SWT1: variants seen among roughly 807,000 people sequenced by gnomAD.
The protein encoded by SWT1 is transcriptional protein SWT1.
A neutral mutation model predicts 107.3 loss-of-function variants in SWT1; 33 were observed. The observed-to-expected ratio is 0.31, with a 90% CI of 0.23 to 0.41. The LOEUF is 0.41. Among genes scored for constraint, SWT1 ranks in the 10% least tolerant of loss-of-function variants. The pLI, the probability that SWT1 is intolerant of heterozygous loss-of-function variation, is 1.00. For synonymous variants in SWT1, 345 were observed against 348.3 expected, an observed-to-expected ratio of 0.99 and a Z score of 0.11; for missense variants, 898 against 1,028.9, an observed-to-expected ratio of 0.87 and a Z score of 1.74.
chr1:185,183,808 A>T, intron 7 of SWT1, among the ~76,000 whole-genome samples: 1 of 152,222 alleles, frequency 6.6e-6, no homozygotes, highest in East Asian at 1.9e-4. Flanking sequence ...TCTCTTAAGA[A>T]TCGAAGTAAA....
rs1656256401 is a variant in SWT1 at position 185,184,156 on chromosome 1, A to G, written c.1139-87A>G. The G allele has an allele frequency of 1.2e-5, 8 of 655,656 alleles. 1 individual carries two copies. In the South Asian group the frequency reaches 1.7e-4, roughly 14 times the overall value. 40.6% of individuals were successfully genotyped at this position (655,656 alleles called of 1,614,324 possible). The stretch of plus-strand genomic sequence containing the variant: ...AAAGAGGCGTTTTAAATTTAATTGA[A>G]TTTTCAATGCTTCTGTAATATCAAA... On this transcript the variant is annotated intron_variant, in intron 7 of 18. Transcript: ENST00000367500.
chr1:185,190,402 A>G (rs1164050948), intron 9 of SWT1, 147 bp from the exon 10 acceptor site: 1 of 558,890 alleles, frequency 1.8e-6, no homozygotes, highest in Non-Finnish European at 3.3e-6. Context: ...ACAAATGTAT[A>G]ATGACGTGTG....
At chr1:185,281,612 G>A (rs1225973117) in intron 18 of SWT1, 2 of 201,906 alleles carry the variant, frequency 9.9e-6, no homozygotes, top group African/African-American at 2.4e-5. Context: ...CCTGAAGACC[G>A]ACCACCAAAT....
chr1:185,210,761 C>T (rs1409260205), intron 13 of SWT1, among the ~76,000 whole-genome samples: 3 of 152,156 alleles, frequency 2.0e-5, no homozygotes, highest in Non-Finnish European at 4.4e-5. Flanking sequence ...CAAATTGTCT[C>T]TGTTGCAGAT....
In SWT1 at chr1:185,202,771, T is replaced by C; in HGVS notation, c.1641T>C (p.Pro547=). Residue 547 remains proline (P), a synonymous_variant, in exon 11 of 19, where the codon CCT becomes CCC. Transcript: ENST00000367500. ...LSLNTDVCHQ[P]CIPKQQLKAE... ...TGAACACAGATGTGTGTCATCAGCC[T>C]TGTATTCCTAAGCAACAGTTGAAAG... is the stretch of plus-strand genomic sequence containing the variant. The C allele has an allele frequency of 4.5e-6, 7 of 1,570,476 alleles. No homozygotes were observed. The highest frequency in any genetic ancestry group is 1.2e-5 in the South Asian group (1 of 81,146).
chr1:185,206,800 A>C (rs749717761), intron 13 of SWT1, 37 bp downstream of exon 13: 2 of 1,445,706 alleles, frequency 1.4e-6, no homozygotes, highest in African/African-American at 1.4e-5. Flanking sequence ...GCAGTGTTGT[A>C]TTAAGTCAGA....
At chr1:185,276,486 C>CT (rs1395471841) in intron 17 of SWT1, 118 bp from the exon 18 acceptor site, 4 of 521,786 alleles carry the variant, frequency 7.7e-6, no homozygotes, top group Non-Finnish European at 1.4e-5. Context: ...CTGTTTAATC[C>CT]TTTTTATGCA....
intron 10 of SWT1, among the ~76,000 whole-genome samples, chr1:185,194,481 A>G (rs1265039496): frequency 6.6e-6 from 1 of 151,874 alleles, no homozygotes; most frequent in Non-Finnish European, 1.5e-5. Context: ...ATCTTTACTT[A>G]TTAAAGTCTA....
intron 16 of SWT1, among the ~76,000 whole-genome samples, chr1:185,256,897 C>T (rs1407142126): frequency 1.3e-5 from 2 of 152,040 alleles, no homozygotes; most frequent in Non-Finnish European, 2.9e-5. Context: ...CTGTTTTTTC[C>T]CCATCTTTGT....
chr1:185,200,297 G>A (rs1372917059), intron 10 of SWT1, among the ~76,000 whole-genome samples: 1 of 152,138 alleles, frequency 6.6e-6, no homozygotes, highest in African/African-American at 2.4e-5. Context: ...TTGTTGGTGA[G>A]GAGTTGTGAT....
chr1:185,159,483 T>A (rs1012651857), intron 1 of SWT1, among the ~76,000 whole-genome samples: 1 of 152,164 alleles, frequency 6.6e-6, no homozygotes, highest in South Asian at 2.1e-4. Context: ...ACAGAGGAAC[T>A]ACAGTGAGTG....
intron 16 of SWT1, among the ~76,000 whole-genome samples, chr1:185,270,405 C>T (rs1663768817): frequency 6.6e-6 from 1 of 151,394 alleles, no homozygotes; most frequent in South Asian, 2.1e-4. Context: ...ATGTTCTTCC[C>T]TTCATTATTT....
intron 16 of SWT1, among the ~76,000 whole-genome samples, chr1:185,233,678 T>C (rs982764431): frequency 5.3e-5 from 8 of 152,220 alleles, no homozygotes; most frequent in Non-Finnish European, 1.2e-4. Flanking sequence ...CTGTTTGTTA[T>C]GATTTACATT....
At chr1:185,169,736 A>G (rs1654888584) in intron 4 of SWT1, among the ~76,000 whole-genome samples, 1 of 151,632 alleles carries the variant, frequency 6.6e-6, no homozygotes, top group African/African-American at 2.4e-5. Context: ...CTACACACAC[A>G]ATTTTTTTTT....
At chr1:185,218,615 C>G (rs1212995983) in intron 14 of SWT1, among the ~76,000 whole-genome samples, 1 of 152,092 alleles carries the variant, frequency 6.6e-6, no homozygotes. Flanking sequence ...CCTGCCTTTT[C>G]CAGATTTTCA....
chr1:185,215,922 G>A (rs74134441), intron 14 of SWT1, among the ~76,000 whole-genome samples: 2,069 of 152,192 alleles, frequency 0.014, 43 homozygotes, highest in African/African-American at 0.048. Context: ...ATTACTAAAA[G>A]AGATATTAAT....
intron 18 of SWT1, chr1:185,281,782 T>TA (rs1449694886): frequency 1.3e-5 from 2 of 154,000 alleles, no homozygotes; most frequent in Admixed American, 6.5e-5. Context: ...AAAGAAAACA[T>TA]AAACAGTGAT....
chr1:185,160,699 C>G (rs900657139), intron 1 of SWT1, 134 bp from the exon 2 acceptor site: 3 of 638,058 alleles, frequency 4.7e-6, no homozygotes, highest in Admixed American at 3.2e-5. Flanking sequence ...GAGACTCCAT[C>G]TCAAAAAAAA....
chr1:185,284,017 T>A (rs1571713047), intron 18 of SWT1, among the ~76,000 whole-genome samples: 1 of 152,238 alleles, frequency 6.6e-6, no homozygotes, highest in Non-Finnish European at 1.5e-5. Context: ...AATTCCTGGG[T>A]GAGATTCTAA....
Sources: allele counts gnomAD v4.1 joint callset (sites outside exome capture counted in the v4.1 genomes callset), GRCh38; gene constraint gnomAD v4.1.1; transcripts MANE v1.5; gene names NCBI Gene and HGNC (gene_info 2026-07-23, HGNC 2026-07-21).